OR3A2: variants seen among roughly 807,000 people sequenced by gnomAD.
OR3A2 encodes olfactory receptor 3A2.
For missense variants in OR3A2, 318 were observed against 392.8 expected (o/e 0.81, Z 1.61); for synonymous variants, 126 against 159.3 (o/e 0.79, Z 1.57).
exon 2 of OR3A2, chr17:3,278,448 G>A (rs1344190505): frequency 6.2e-7 from 1 of 1,614,198 alleles, no homozygotes; most frequent in East Asian, 2.2e-5. Context: ...CAGTGCGTTG[G>A]TGAAGGCACA....
chr17:3,292,619 T>C, intron 3 of OR3A2: 2 of 1,479,798 alleles, frequency 1.4e-6, no homozygotes, highest in Non-Finnish European at 9.2e-7. Context: ...AGGAAAAGAA[T>C]CACTCCTCCC....
upstream of OR3A2, among the ~76,000 whole-genome samples, chr17:3,287,399 T>C (rs1415308984): frequency 6.6e-6 from 1 of 152,128 alleles, no homozygotes; most frequent in Non-Finnish European, 1.5e-5. Context: ...TTCCATTGTC[T>C]ATCCTTCCAC....
chr17:3,304,621 G>T (rs143339328), intron 3 of OR3A2, among the ~76,000 whole-genome samples: 1 of 152,206 alleles, frequency 6.6e-6, no homozygotes, highest in Non-Finnish European at 1.5e-5. Context: ...CATGGCCAGA[G>T]TAGTTTTCTA....
chr17:3,354,134 A>G (rs2049443559), intron 2 of OR3A2, among the ~76,000 whole-genome samples: 1 of 151,780 alleles, frequency 6.6e-6, no homozygotes, highest in Non-Finnish European at 1.5e-5. Flanking sequence ...ACTGGCCTGT[A>G]GTTGTTGTTG....
intron 3 of OR3A2, among the ~76,000 whole-genome samples, chr17:3,332,315 T>A (rs9674471): frequency 0.017 from 2,639 of 152,300 alleles, 77 homozygotes; most frequent in African/African-American, 0.06. Flanking sequence ...CCAGCCTCGC[T>A]GCCGCCTTGC....
chr17:3,295,258 G>T (rs531597375), intron 3 of OR3A2, among the ~76,000 whole-genome samples: 1 of 151,688 alleles, frequency 6.6e-6, no homozygotes, highest in African/African-American at 2.4e-5. Flanking sequence ...ACATAATGGG[G>T]GTATAAGTAC....
intron 2 of OR3A2, among the ~76,000 whole-genome samples, chr17:3,370,182 T>A (rs907890139): frequency 6.6e-6 from 1 of 152,198 alleles, no homozygotes; most frequent in Non-Finnish European, 1.5e-5. Flanking sequence ...TGGCATTTTT[T>A]AAATTACTGT....
intron 3 of OR3A2, among the ~76,000 whole-genome samples, chr17:3,305,535 T>C (rs898025002): frequency 2.6e-5 from 4 of 152,176 alleles, no homozygotes; most frequent in African/African-American, 9.7e-5. Flanking sequence ...AGATTACTCA[T>C]GACATAGGAC....
At chr17:3,379,749 C>T (rs2049717188) in intron 2 of OR3A2, among the ~76,000 whole-genome samples, 2 of 152,146 alleles carry the variant, frequency 1.3e-5, no homozygotes, top group Non-Finnish European at 2.9e-5. Context: ...GGAGAAGAGG[C>T]CAGGGTCACT....
Position 3,344,792 on chromosome 17 carries a change from G to A in OR3A2, c.-178-8666C>T, listed in dbSNP as rs532409251. ...ATCCTCCAGTTATAGCTTTAGGGAA[G>A]GGCATCTGACCCAAGTTGATCCAAC... On this transcript the variant is annotated intron_variant, in intron 2 of 4. Transcript: ENST00000573491. Among the ~76,000 whole-genome samples the A allele has an allele frequency of 3.9e-4, 59 of 152,276 alleles. 2 individuals carry two copies. The South Asian group carries it at 0.012, about 32-fold the overall frequency.
chr17:3,331,945 C>G (rs977378678), intron 3 of OR3A2, among the ~76,000 whole-genome samples: 14 of 151,854 alleles, frequency 9.2e-5, no homozygotes, highest in African/African-American at 2.4e-4. Flanking sequence ...ACAGGACCCT[C>G]AGCTGCAGGT....
chr17:3,384,108 G>C (rs188978347), intron 1 of OR3A2, among the ~76,000 whole-genome samples: 105 of 152,192 alleles, frequency 6.9e-4, no homozygotes, highest in African/African-American at 2.1e-3. Context: ...TCCCTGCTAA[G>C]ACCTGACTTA....
At chr17:3,310,951 T>A (rs1178488297) in intron 3 of OR3A2, 1 of 575,942 alleles carries the variant, frequency 1.7e-6, no homozygotes, top group African/African-American at 1.9e-5. Context: ...GTGGCCCCCT[T>A]GGTCCTCATC....
chr17:3,307,186 T>G (rs1210773348), intron 3 of OR3A2, among the ~76,000 whole-genome samples: 2 of 152,186 alleles, frequency 1.3e-5, no homozygotes, highest in African/African-American at 4.8e-5. Context: ...CAGGGACTCA[T>G]AGGCAGTTTC....
At chr17:3,373,589 T>C (rs984976411) in intron 2 of OR3A2, among the ~76,000 whole-genome samples, 3 of 151,902 alleles carry the variant, frequency 2.0e-5, no homozygotes, top group African/African-American at 7.3e-5. Context: ...TAAAGTCTGT[T>C]CTGTCTAATA....
intron 3 of OR3A2, among the ~76,000 whole-genome samples, chr17:3,299,683 C>T (rs772408246): frequency 1.3e-5 from 2 of 152,194 alleles, no homozygotes; most frequent in Non-Finnish European, 2.9e-5. Context: ...GCCCTTCACA[C>T]TTCCCCAGAA....
At chr17:3,336,955 T>C (rs2049278524) in intron 2 of OR3A2, among the ~76,000 whole-genome samples, 1 of 152,156 alleles carries the variant, frequency 6.6e-6, no homozygotes, top group South Asian at 2.1e-4. Flanking sequence ...GTGTTCTCCA[T>C]CTTATGGAAG....
intron 1 of OR3A2, among the ~76,000 whole-genome samples, chr17:3,281,235 ATTT>A (rs58615412): frequency 2.9e-5 from 4 of 137,372 alleles, no homozygotes; most frequent in African/African-American, 8.1e-5. Context: ...AGGCATCAGG[ATTT>A]TTTTTTTTTT....
chr17:3,337,238 CACT>C (rs2049280575), intron 2 of OR3A2, among the ~76,000 whole-genome samples: 2 of 152,148 alleles, frequency 1.3e-5, no homozygotes, highest in African/African-American at 2.4e-5. Flanking sequence ...TGTGCAACCT[CACT>C]ACTATCGTTC....
Sources: gnomAD v4.1 joint callset for allele counts (sites outside exome capture counted in the v4.1 genomes callset) on GRCh38, gnomAD v4.1.1 for gene constraint, MANE v1.5 for transcripts, NCBI Gene and HGNC (gene_info 2026-07-23, HGNC 2026-07-21) for gene names.